The following IRAG2 variants were observed in gnomAD, a reference collection of about 807,000 sequenced individuals.
IRAG2 encodes inositol 1,4,5-triphosphate receptor associated 2.
IRAG2 carries 45 observed loss-of-function variants against 69.9 expected under a neutral mutation model. The ratio of observed to expected loss-of-function variants is 0.64; its 90% CI spans 0.51 to 0.83. IRAG2 has a LOEUF of 0.83. Among genes scored for constraint, IRAG2 ranks in the 40% least tolerant of loss-of-function variants. The pLI, the probability that IRAG2 is intolerant of heterozygous loss-of-function variation, is 0.00. For synonymous variants in IRAG2, 193 were observed against 202.4 expected (o/e 0.95, Z 0.40); for missense variants, 520 against 587.0 (o/e 0.89, Z 1.18).
At chr12:25,045,372 C>T (rs1944784972) in intron 16 of IRAG2, among the ~76,000 whole-genome samples, 1 of 151,906 alleles carries the variant, frequency 6.6e-6, no homozygotes, top group Non-Finnish European at 1.5e-5. Flanking sequence ...CCCAAAGTTC[C>T]TTCCCAAGAG....
intron 16 of IRAG2, among the ~76,000 whole-genome samples, chr12:25,043,767 T>A (rs190680293): frequency 6.6e-6 from 1 of 152,304 alleles, no homozygotes; most frequent in African/African-American, 2.4e-5. Flanking sequence ...GACCAGTATG[T>A]GAAGACTGGG....
At chr12:25,017,513 T>A (rs913608162) in intron 6 of IRAG2, among the ~76,000 whole-genome samples, 1 of 151,994 alleles carries the variant, frequency 6.6e-6, no homozygotes, top group African/African-American at 2.4e-5. Context: ...AGATCAAAAG[T>A]TTGAGACCAG....
At chr12:25,019,554 T>A (rs1233803065) in intron 6 of IRAG2, among the ~76,000 whole-genome samples, 2 of 152,212 alleles carry the variant, frequency 1.3e-5, no homozygotes, top group Admixed American at 1.3e-4. Context: ...CTCCTCTTGA[T>A]GTTCAGAGCT....
chr12:25,016,879 G>A (rs12315365), intron 5 of IRAG2, among the ~76,000 whole-genome samples: 8,363 of 152,186 alleles, frequency 0.055, 461 homozygotes, highest in African/African-American at 0.15. Context: ...AACAAAAACT[G>A]TAGAAGTTGA....
intron 10 of IRAG2, among the ~76,000 whole-genome samples, chr12:25,084,541 G>T (rs992385828): frequency 3.1e-5 from 1 of 32,582 alleles, no homozygotes; most frequent in Non-Finnish European, 7.9e-5. Context: ...GCATGGAGGG[G>T]TGTGTGTGTG....
intron 16 of IRAG2, among the ~76,000 whole-genome samples, chr12:25,038,890 A>T (rs1944724965): frequency 6.6e-6 from 1 of 152,140 alleles, no homozygotes; most frequent in Non-Finnish European, 1.5e-5. Flanking sequence ...TTTATGTTTG[A>T]CCTCAGTGTA....
chr12:25,031,228 G>A (rs1438742890), intron 10 of IRAG2: 8 of 205,666 alleles, frequency 3.9e-5, no homozygotes, highest in African/African-American at 9.4e-5. Context: ...TCTTCATTGC[G>A]GGTGTTCTCT....
chr12:25,089,367 T>TC (rs1190632958), intron 11 of IRAG2, among the ~76,000 whole-genome samples: 1 of 150,774 alleles, frequency 6.6e-6, no homozygotes, highest in East Asian at 2.0e-4. Flanking sequence ...TGTTGCTTGA[T>TC]TCTGAGACAT....
chr12:25,105,071 G>GTTT (rs10583191), intron 20 of IRAG2, among the ~76,000 whole-genome samples: 26 of 87,634 alleles, frequency 3.0e-4, no homozygotes, highest in African/African-American at 4.3e-4. Context: ...CTTGGTCTCA[G>GTTT]TTTTTTTTTT....
At chr12:25,006,084 C>CAG (rs113158546) in intron 2 of IRAG2, among the ~76,000 whole-genome samples, 2,477 of 152,178 alleles carry the variant, frequency 0.016, 81 homozygotes, top group African/African-American at 0.057. Flanking sequence ...ACAGACACTT[C>CAG]TCAAAAGAAG....
rs1004602810 is a variant in IRAG2 at position 25,063,794 on chromosome 12, G to T, written c.-229G>T. 5.0e-5 allele frequency: 20 copies of T among 399,024 alleles called. No individual in the cohort carries two copies. The highest frequency in any genetic ancestry group is 8.4e-5 in the Non-Finnish European group (19 of 226,062). 24.7% of individuals were successfully genotyped at this position (399,024 alleles called of 1,614,324 possible). On this transcript the variant is annotated 5_prime_UTR_variant, in exon 4 of 22. Transcript: ENST00000556887. The stretch of plus-strand genomic sequence containing the variant: ...AGACACCCCTGACCTTGAAACATAC[G>T]TGCTGGTACACACCTCTGCTGGGTA...
chr12:25,088,327 C>T (rs1299811249), intron 11 of IRAG2, among the ~76,000 whole-genome samples, 170 bp downstream of exon 11: 9 of 152,214 alleles, frequency 5.9e-5, no homozygotes, highest in African/African-American at 1.7e-4. Flanking sequence ...CAAAAAGCCA[C>T]ATTTGCATTG....
chr12:25,104,191 T>C, intron 19 of IRAG2, 133 bp downstream of exon 19: 2 of 887,580 alleles, frequency 2.3e-6, no homozygotes, highest in East Asian at 5.3e-5. Context: ...ATTATATAAA[T>C]TGGTATCTAA....
chr12:25,082,015 T>C (rs1199845139), intron 9 of IRAG2, among the ~76,000 whole-genome samples: 1 of 152,110 alleles, frequency 6.6e-6, no homozygotes, highest in African/African-American at 2.4e-5. Flanking sequence ...CTGTCCCAGG[T>C]TCCTCAGTAG....
intron 6 of IRAG2, among the ~76,000 whole-genome samples, chr12:25,019,722 G>A (rs1414823702): frequency 1.3e-5 from 2 of 151,904 alleles, no homozygotes; most frequent in Non-Finnish European, 2.9e-5. Flanking sequence ...ATGGGTCCAG[G>A]TTTGAGGGTG....
chr12:25,101,131 G>A (rs775615987), intron 15 of IRAG2, 47 bp from the exon 16 acceptor site: 4 of 1,512,258 alleles, frequency 2.6e-6, no homozygotes, highest in Non-Finnish European at 3.6e-6. Context: ...TCTTTTAATT[G>A]AGAGTAGTAT....
At chr12:25,013,866 CTTTTTTTTTTTTTTT>C (rs71063386) in intron 3 of IRAG2, among the ~76,000 whole-genome samples, 1 of 79,530 alleles carries the variant, frequency 1.3e-5, no homozygotes, top group East Asian at 4.6e-4. Context: ...TTTTCTTTTT[CTTTTTTTTTTTTTTT>C]TTTTTTTTTT....
chr12:25,017,356 CTT>C, intron 6 of IRAG2: 1 of 1,178,154 alleles, frequency 8.5e-7, no homozygotes, highest in Non-Finnish European at 1.1e-6. Flanking sequence ...TTTAAAAAAC[CTT>C]TTAAATATTG....
chr12:25,106,766 G>A (rs1317726225), intron 20 of IRAG2, among the ~76,000 whole-genome samples, 177 bp from the exon 21 acceptor site: 1 of 151,140 alleles, frequency 6.6e-6, no homozygotes, highest in East Asian at 1.9e-4. Context: ...TTCTATAAAA[G>A]GTTTAAATTA....
Sources: gnomAD v4.1 joint callset for allele counts (sites outside exome capture counted in the v4.1 genomes callset) on GRCh38, gnomAD v4.1.1 for gene constraint, MANE v1.5 for transcripts, NCBI Gene and HGNC (gene_info 2026-07-23, HGNC 2026-07-21) for gene names.